The following ZFAT variants were observed in gnomAD, a reference collection of about 807,000 sequenced individuals.
ZFAT encodes zinc finger protein ZFAT.
A neutral mutation model predicts 117.7 loss-of-function variants in ZFAT; 64 were observed. That is an observed-to-expected ratio of 0.54 (90% CI 0.44 to 0.67). The LOEUF is 0.67. ZFAT is among the 30% of genes least tolerant of loss of function. The pLI is 0.00. For synonymous variants in ZFAT, 679 were observed against 615.0 expected (o/e 1.10, Z -1.54); for missense variants, 1,433 against 1,584.5 (o/e 0.90, Z 1.62).
At chr8:134,625,619 G>T (rs1829445923) in intron 3 of ZFAT, among the ~76,000 whole-genome samples, 1 of 152,176 alleles carries the variant, frequency 6.6e-6, no homozygotes, top group African/African-American at 2.4e-5. Flanking sequence ...ACTCAACTTT[G>T]ATCCCCAAAG....
chr8:134,641,835 G>C (rs1830602834), intron 2 of ZFAT, among the ~76,000 whole-genome samples: 1 of 152,184 alleles, frequency 6.6e-6, no homozygotes, highest in African/African-American at 2.4e-5. Context: ...CCACAGTTTG[G>C]GGACAACTTC....
At chr8:134,709,392 A>T (rs1466702118) in intron 1 of ZFAT, among the ~76,000 whole-genome samples, 1 of 152,204 alleles carries the variant, frequency 6.6e-6, no homozygotes, top group Non-Finnish European at 1.5e-5. Flanking sequence ...TGGGGTCCCA[A>T]GGGTTCTGTG....
At chr8:134,538,044 G>A (rs1466281909) in intron 11 of ZFAT, among the ~76,000 whole-genome samples, 1 of 152,202 alleles carries the variant, frequency 6.6e-6, no homozygotes, top group Non-Finnish European at 1.5e-5. Context: ...GCTCCAGGCT[G>A]CAAACACAGA....
chr8:134,811,399 C>A, the ZFAT span, among the ~76,000 whole-genome samples: 1 of 152,142 alleles, frequency 6.6e-6, no homozygotes, highest in South Asian at 2.1e-4. Flanking sequence ...AGGTGTGCAT[C>A]TGGATATAAT....
the ZFAT span, chr8:134,785,595 G>A: frequency 6.7e-6 from 1 of 148,756 alleles, no homozygotes; most frequent in African/African-American, 2.5e-5. Flanking sequence ...ACATGCAATT[G>A]TCCTAGTGCC....
At chr8:134,648,121 A>G (rs1464230987) in intron 2 of ZFAT, among the ~76,000 whole-genome samples, 2 of 152,104 alleles carry the variant, frequency 1.3e-5, no homozygotes, top group Non-Finnish European at 2.9e-5. Context: ...TTCACAATAT[A>G]TATGTATAAC....
intron 5 of ZFAT, among the ~76,000 whole-genome samples, chr8:134,606,820 A>C (rs1331707378): frequency 6.6e-6 from 1 of 152,194 alleles, no homozygotes; most frequent in Non-Finnish European, 1.5e-5. Context: ...TGCTGAAAAA[A>C]AGGCTGGGAG....
the ZFAT span, among the ~76,000 whole-genome samples, chr8:134,825,221 C>T: frequency 1.3e-5 from 2 of 152,138 alleles, no homozygotes; most frequent in Admixed American, 6.5e-5. Context: ...CAGTGAGAAG[C>T]GTGAATTAAA....
intron 11 of ZFAT, among the ~76,000 whole-genome samples, chr8:134,539,719 T>C (rs1173841312): frequency 6.6e-6 from 1 of 152,132 alleles, no homozygotes; most frequent in African/African-American, 2.4e-5. Context: ...CAAGACCAGT[T>C]ATACACTGCT....
chr8:134,590,502 TCACCATCATCAATAC>T lies in ZFAT; in HGVS notation c.2476-162_2476-148del. The T allele has an allele frequency of 6.7e-6, 4 of 593,752 alleles. No homozygotes were observed. In the South Asian group the frequency reaches 7.8e-5, roughly 12 times the overall value. 36.8% of individuals were successfully genotyped at this position (593,752 alleles called of 1,614,324 possible). ...AGTCATCACCACCACCACCATCACATCACCATCATCAATACCATCATCACCACCACTAGCACTATC... is the reference window on the plus strand; with the variant it reads ...AGTCATCACCACCACCACCATCACATCATCATCACCACCACTAGCACTATC... On this transcript the variant is annotated intron_variant, in intron 7 of 15. Transcript: ENST00000377838.
chr8:134,800,329 T>C, the ZFAT span, among the ~76,000 whole-genome samples: 2 of 152,210 alleles, frequency 1.3e-5, no homozygotes, highest in African/African-American at 4.8e-5. Flanking sequence ...CAACCATGCT[T>C]TCTTCTGCTT....
At chr8:134,744,590 G>A in the ZFAT span, among the ~76,000 whole-genome samples, 2 of 151,604 alleles carry the variant, frequency 1.3e-5, no homozygotes, top group Admixed American at 6.6e-5. Context: ...ACCACTGCGC[G>A]CAGCCTGAAG....
upstream of ZFAT, among the ~76,000 whole-genome samples, chr8:134,714,493 T>C (rs1435592699): frequency 6.6e-6 from 1 of 152,152 alleles, no homozygotes; most frequent in African/African-American, 2.4e-5. Flanking sequence ...GAAAACTCCC[T>C]TGGGCATTGA....
At position 134,478,186 on chromosome 8, in the gene ZFAT, A is replaced by C; in HGVS notation, c.*296T>G. 2.6e-6 allele frequency: 1 copy of C among 382,936 alleles called. No homozygotes were observed. The highest frequency in any genetic ancestry group is 4.8e-6 in the Non-Finnish European group (1 of 209,312). 23.7% of individuals were successfully genotyped at this position (382,936 alleles called of 1,614,324 possible). A position where few individuals can be genotyped will look rare whatever the true frequency, so the allele number is the denominator to read the frequency against. ...GAGTCTCTGTTTGAATCTTGAAGCA[A>C]GGGGTGAAGGTGTGGGGTGTGTGTA... On this transcript the variant is annotated 3_prime_UTR_variant, in exon 16 of 16. Transcript: ENST00000377838. This position sits in a 1 kb window ranked among gnomAD's most constrained non-coding sequence, Gnocchi z 5.2.
intron 7 of ZFAT, among the ~76,000 whole-genome samples, chr8:134,591,598 G>A (rs1449795689): frequency 2.0e-5 from 3 of 152,194 alleles, no homozygotes. Context: ...ACCTTATTTG[G>A]AGATAGGGTC....
At chr8:134,726,962 A>G in the ZFAT span, among the ~76,000 whole-genome samples, 1 of 152,026 alleles carries the variant, frequency 6.6e-6, no homozygotes, top group Non-Finnish European at 1.5e-5. Flanking sequence ...ATCAATCATT[A>G]TTTTAGAGAG....
chr8:134,669,929 CA>C (rs1447756880), intron 1 of ZFAT, among the ~76,000 whole-genome samples: 4 of 151,944 alleles, frequency 2.6e-5, no homozygotes, highest in African/African-American at 9.7e-5. Flanking sequence ...AAATGGACAA[CA>C]AAAAAGGCAG....
At chr8:134,787,415 A>G in the ZFAT span, among the ~76,000 whole-genome samples, 1 of 152,196 alleles carries the variant, frequency 6.6e-6, no homozygotes, top group Non-Finnish European at 1.5e-5. Context: ...CTGTACCATT[A>G]CAATAGTTTC....
At chr8:134,678,342 A>G (rs1195401432) in intron 1 of ZFAT, among the ~76,000 whole-genome samples, 1 of 152,236 alleles carries the variant, frequency 6.6e-6, no homozygotes, top group Non-Finnish European at 1.5e-5. Context: ...CCCATTCACA[A>G]TTGCTACAAA....
Sources: allele counts gnomAD v4.1 joint callset (sites outside exome capture counted in the v4.1 genomes callset), GRCh38; gene constraint gnomAD v4.1.1; non-coding constraint Gnocchi (gnomAD v3.1); transcripts MANE v1.5; gene names NCBI Gene and HGNC (gene_info 2026-07-23, HGNC 2026-07-21).